The following AGBL3 variants were observed in gnomAD, a reference collection of about 807,000 sequenced individuals.
The protein encoded by AGBL3 is AGBL carboxypeptidase 3.
In AGBL3, 68 loss-of-function variants were observed where a neutral mutation model predicts 94.5. The ratio of observed to expected loss-of-function variants is 0.72; its 90% CI spans 0.59 to 0.88. AGBL3 has a LOEUF of 0.88. Ranked by LOEUF, AGBL3 falls within the 40% of genes least tolerant of loss-of-function variation. AGBL3 has a pLI of 0.00. For missense variants in AGBL3, 934 were observed against 1,103.8 expected, an observed-to-expected ratio of 0.85 and a Z score of 2.18; for synonymous variants, 354 against 370.7, an observed-to-expected ratio of 0.95 and a Z score of 0.52.
At chr7:135,068,571 G>A (rs956754351) in intron 12 of AGBL3, among the ~76,000 whole-genome samples, 1 of 152,034 alleles carries the variant, frequency 6.6e-6, no homozygotes, top group Non-Finnish European at 1.5e-5. Flanking sequence ...AGAGAGTGGG[G>A]GCCAATATTC....
chr7:135,044,249 C>T (rs1404928096), intron 9 of AGBL3, 98 bp downstream of exon 9: 1 of 1,167,352 alleles, frequency 8.6e-7, no homozygotes, highest in Non-Finnish European at 1.1e-6. Context: ...TACTTTCTTC[C>T]TATTTAAATA....
intron 11 of AGBL3, among the ~76,000 whole-genome samples, chr7:135,047,373 G>C (rs941007025): frequency 1.3e-5 from 2 of 151,846 alleles, no homozygotes; most frequent in Admixed American, 1.3e-4. Context: ...TCTAGATTTC[G>C]GTTCTTTTGG....
chr7:135,115,462 T>C lies in AGBL3; in HGVS notation c.2193T>C (p.Asp731=). The part of the protein sequence containing the change: ...SKKTGINWTD[D]EKRSYKDKGI... ...AGACTGGCATAAATTGGACAGATGA[T>C]GAAAAAAGAAGCTACAAGGATAAAG... Residue 731 remains aspartate, a synonymous_variant, in exon 16 of 17, where the codon GAT becomes GAC. Coordinates refer to ENST00000436302, the MANE Select transcript of AGBL3 (RefSeq NM_178563.4). The C allele has an allele frequency of 4.5e-6, 7 of 1,550,744 alleles. No individual in the cohort carries two copies. The highest frequency in any genetic ancestry group is 5.2e-6 in the Non-Finnish European group (6 of 1,146,178).
intron 3 of AGBL3, 57 bp from the exon 4 acceptor site, chr7:134,993,436 C>A: frequency 7.2e-7 from 1 of 1,379,512 alleles, no homozygotes; most frequent in African/African-American, 1.5e-5. Flanking sequence ...ATAAAAATTA[C>A]AGGAGTTGGT....
chr7:135,135,145 A>T lies in AGBL3; in HGVS notation c.2647A>T (p.Thr883Ser), dbSNP rs1320515216. The T allele has an allele frequency of 5.2e-6, 8 of 1,551,156 alleles. No individual in the cohort carries two copies. In the South Asian group the frequency reaches 9.5e-5, roughly 18 times the overall value. The change falls in exon 17 of 17, where the codon ACT becomes TCT. Residue 883 changes from threonine (T) to serine (S), a missense_variant. Around this residue, in one of 3 missense-constraint regions of AGBL3, gnomAD observed 441 missense variants for 518.2 expected, o/e 0.85. Coordinates refer to ENST00000436302, the MANE Select transcript of AGBL3 (RefSeq NM_178563.4). ...LKYKSLQAEE[T>S]NQQSSKHTAL... ...ATATAAGAGTCTTCAAGCTGAAGAAACTAACCAGCAAAGCTCTAAGCATAC... is the reference window on the plus strand; with the variant it reads ...ATATAAGAGTCTTCAAGCTGAAGAATCTAACCAGCAAAGCTCTAAGCATAC...
chr7:135,111,594 A>G (rs972373079), intron 15 of AGBL3, among the ~76,000 whole-genome samples: 1 of 151,938 alleles, frequency 6.6e-6, no homozygotes, highest in Non-Finnish European at 1.5e-5. Flanking sequence ...CTTTAATAAC[A>G]TTTCACAATA....
intron 12 of AGBL3, among the ~76,000 whole-genome samples, chr7:135,073,617 C>T (rs1377757525): frequency 1.3e-5 from 2 of 152,144 alleles, no homozygotes; most frequent in Admixed American, 1.3e-4. Flanking sequence ...ATTGGCAAGA[C>T]TCCTGTCTCA....
intron 5 of AGBL3, among the ~76,000 whole-genome samples, chr7:135,025,522 A>C (rs977929853): frequency 1.3e-5 from 2 of 151,646 alleles, no homozygotes; most frequent in Non-Finnish European, 2.9e-5. Context: ...ACTGTAAAGC[A>C]GTTACACAGT....
At chr7:135,012,557 T>C (rs777193009) in intron 4 of AGBL3, 17 of 152,138 alleles carry the variant, frequency 1.1e-4, no homozygotes, top group South Asian at 2.1e-4. Context: ...TATGTTTGGG[T>C]AGATTTTTTT....
rs1163636166 is a variant in AGBL3 at position 135,056,789 on chromosome 7, A to T, written c.1842-2380A>T. Among the ~76,000 whole-genome samples, 5 of 152,278 alleles carry T rather than the reference A, an allele frequency of 3.3e-5. 1 individual carries two copies. In the South Asian group the frequency reaches 1.0e-3, roughly 32 times the overall value. ...TTGTGTTCATAGACAGGAAGATGAT[A>T]TTGTTAAGATGTCAGTTCCTCCTGG... On this transcript the variant is annotated intron_variant, in intron 11 of 16. Coordinates refer to ENST00000436302, the MANE Select transcript of AGBL3 (RefSeq NM_178563.4).
chr7:135,116,636 G>T (rs183807246), intron 16 of AGBL3, among the ~76,000 whole-genome samples: 3 of 152,264 alleles, frequency 2.0e-5, no homozygotes, highest in Admixed American at 6.5e-5. Context: ...CAGTGGGAGG[G>T]TCAAAGTTCT....
chr7:134,987,477 A>C (rs189362867), intron 1 of AGBL3, among the ~76,000 whole-genome samples: 4 of 152,364 alleles, frequency 2.6e-5, no homozygotes, highest in African/African-American at 9.6e-5. Flanking sequence ...CTTTTGGTCA[A>C]GTGAAAATCA....
chr7:135,059,081 AC>A (rs2116686515), intron 11 of AGBL3, 87 bp from the exon 12 acceptor site: 1 of 1,047,996 alleles, frequency 9.5e-7, no homozygotes, highest in East Asian at 2.7e-5. Context: ...GAACTTTTCA[AC>A]CATTCAAATA....
At chr7:135,078,009 T>C (rs1820614243) in intron 13 of AGBL3, among the ~76,000 whole-genome samples, 1 of 152,176 alleles carries the variant, frequency 6.6e-6, no homozygotes, top group Non-Finnish European at 1.5e-5. Context: ...CCTGATTAGC[T>C]ACCTACTGCA....
At chr7:135,075,212 A>G (rs1820336207) in intron 12 of AGBL3, among the ~76,000 whole-genome samples, 2 of 151,386 alleles carry the variant, frequency 1.3e-5, no homozygotes, top group Non-Finnish European at 2.9e-5. Context: ...AGCCATACCC[A>G]CTCCCTCCTG....
chr7:135,128,170 T>C (rs1186016423), intron 16 of AGBL3, among the ~76,000 whole-genome samples: 2 of 151,622 alleles, frequency 1.3e-5, no homozygotes, highest in Non-Finnish European at 2.9e-5. Context: ...TGAGTGCCTG[T>C]AGTCCCAGCT....
At chr7:135,121,610 G>A (rs370149123) in intron 16 of AGBL3, among the ~76,000 whole-genome samples, 5 of 151,424 alleles carry the variant, frequency 3.3e-5, no homozygotes, top group Non-Finnish European at 5.9e-5. Flanking sequence ...TGAATAAATC[G>A]TGAGTCAAAA....
chr7:134,990,505 C>T lies in AGBL3; in HGVS notation c.124+1195C>T, dbSNP rs577982174. ...CTCCATTTAGCCATCCATTCATGCT[C>T]ATTTAAATTATTTTCAGTTTGGGGC... On this transcript the variant is annotated intron_variant, in intron 3 of 16. Transcript: ENST00000436302. 2.0e-5 allele frequency among the ~76,000 whole-genome samples: 3 copies of T among 152,284 alleles called. No individual in the cohort carries two copies. In the South Asian group the frequency reaches 6.2e-4, roughly 32 times the overall value.
chr7:134,994,248 T>C (rs966404419), intron 4 of AGBL3, among the ~76,000 whole-genome samples: 7 of 152,188 alleles, frequency 4.6e-5, no homozygotes, highest in Non-Finnish European at 8.8e-5. Context: ...TTATCTTCTT[T>C]TACCACTTTC....
Sources: allele counts gnomAD v4.1 joint callset (sites outside exome capture counted in the v4.1 genomes callset), GRCh38; gene constraint gnomAD v4.1.1; regional missense constraint gnomAD v4.1.1; transcripts MANE v1.5; gene names NCBI Gene and HGNC (gene_info 2026-07-23, HGNC 2026-07-21).